Variants in FBXO21 observed in about 807,000 individuals in gnomAD.
FBXO21 encodes the protein F-box only protein 21.
Under a neutral mutation model 76.6 loss-of-function variants are expected in FBXO21, and 32 were observed. The ratio of observed to expected loss-of-function variants is 0.42; its 90% CI spans 0.32 to 0.56. The LOEUF is 0.56. Ranked by LOEUF, FBXO21 falls within the 20% of genes least tolerant of loss-of-function variation. FBXO21 has a pLI of 0.16. For missense variants in FBXO21, 586 were observed against 797.3 expected (o/e 0.73, Z 3.19); for synonymous variants, 328 against 311.5 (o/e 1.05, Z -0.56).
At chr12:117,166,763 A>G in intron 8 of FBXO21, 135 bp downstream of exon 8, 3 of 657,072 alleles carry the variant, frequency 4.6e-6, no homozygotes, top group Non-Finnish European at 8.0e-6. Flanking sequence ...GAATGTTTCC[A>G]GTACTCGCAA....
At chr12:117,190,164 C>T (rs1461575257) in intron 1 of FBXO21, 54 bp downstream of exon 1, 3 of 1,054,292 alleles carry the variant, frequency 2.8e-6, no homozygotes, top group Non-Finnish European at 3.5e-6. Flanking sequence ...CTGCCCGGCC[C>T]CGGGGGGCGC....
chr12:117,186,364 C>G (rs1956283761), intron 3 of FBXO21, 113 bp downstream of exon 3: 1 of 745,526 alleles, frequency 1.3e-6, no homozygotes, highest in African/African-American at 1.8e-5. Context: ...GTAACTATGA[C>G]AAGGCGTGAA....
In FBXO21 at chr12:117,166,810, G is replaced by A. The variant is rs139646862; in HGVS notation, c.1193+88C>T. The A allele has an allele frequency of 8.2e-4, 963 of 1,169,362 alleles. 2 individuals carry two copies. In the African/African-American group the frequency reaches 0.013, roughly 16 times the overall value. 72.4% of individuals were successfully genotyped at this position (1,169,362 alleles called of 1,614,324 possible). A position where few individuals can be genotyped will look rare whatever the true frequency, so the allele number is the denominator to read the frequency against. On this transcript the variant is annotated intron_variant, in intron 8 of 11. Coordinates refer to ENST00000622495, the MANE Select transcript of FBXO21 (RefSeq NM_015002.3). ...TAGGGTCTACTGCAAAGATCTCAAC[G>A]AAAAGTCACTTGGCACATCTCAAAC...
At chr12:117,186,096 C>A (rs748244197) in intron 3 of FBXO21, among the ~76,000 whole-genome samples, 1 of 152,138 alleles carries the variant, frequency 6.6e-6, no homozygotes, top group Non-Finnish European at 1.5e-5. Flanking sequence ...AGGCTGGTCG[C>A]GAACTCCTGA....
At chr12:117,150,956 T>TTTTGTGTGTG (rs1461843192) in intron 11 of FBXO21, among the ~76,000 whole-genome samples, 2 of 94,652 alleles carry the variant, frequency 2.1e-5, no homozygotes, top group Admixed American at 1.3e-4. Flanking sequence ...TCAAATAAGT[T>TTTTGTGTGTG]TGTGTGTGTG....
At chr12:117,158,128 G>T (rs200495768) in intron 9 of FBXO21, 65 bp from the exon 10 acceptor site, 17 of 1,580,070 alleles carry the variant, frequency 1.1e-5, no homozygotes, top group South Asian at 1.1e-5. Context: ...TTTTTGCGGC[G>T]AGGGATTTAG....
intron 3 of FBXO21, among the ~76,000 whole-genome samples, chr12:117,180,972 T>C (rs1420322699): frequency 2.0e-5 from 3 of 152,202 alleles, no homozygotes; most frequent in Non-Finnish European, 4.4e-5. Context: ...CCACTGTCCA[T>C]TCATTTTTTA....
At chr12:117,183,329 C>CA (rs1956253913) in intron 3 of FBXO21, among the ~76,000 whole-genome samples, 1 of 151,848 alleles carries the variant, frequency 6.6e-6, no homozygotes, top group Non-Finnish European at 1.5e-5. Context: ...CGGCTCACTG[C>CA]AACCTCTGCC....
chr12:117,162,532 G>A (rs933412038), intron 9 of FBXO21, among the ~76,000 whole-genome samples: 9 of 152,188 alleles, frequency 5.9e-5, no homozygotes, highest in East Asian at 5.8e-4. Context: ...CAGTACTCCC[G>A]ACTTAAAATC....
chr12:117,187,406 G>A (rs1252411038), intron 2 of FBXO21, among the ~76,000 whole-genome samples: 6 of 118,588 alleles, frequency 5.1e-5, no homozygotes, highest in Non-Finnish European at 9.9e-5. Flanking sequence ...GGCAACAAGA[G>A]TGAAACTCTG....
chr12:117,141,999 C>T lies in FBXO21; in HGVS notation c.*4088G>A, dbSNP rs1175368787. 1.3e-5 allele frequency: 2 copies of T among 152,166 alleles called. No homozygotes were observed. Among genetic ancestry groups the T allele is most frequent in the Non-Finnish European group, 2.9e-5 (2 of 68,040 alleles). 9.4% of individuals were successfully genotyped at this position (152,166 alleles called of 1,614,324 possible). A position where few individuals can be genotyped will look rare whatever the true frequency, so the allele number is the denominator to read the frequency against. On this transcript the variant is annotated 3_prime_UTR_variant, in exon 12 of 12. Transcript: ENST00000622495. This position sits in a 1 kb window ranked among gnomAD's most constrained non-coding sequence, Gnocchi z 4.3. ...TGGTGTTTGAGCCATTGTTGCTTTT[C>T]GGGTCTATTTATTACAGAACTAGCA...
chr12:117,179,257 T>C (rs185476994), intron 3 of FBXO21, among the ~76,000 whole-genome samples: 2 of 152,332 alleles, frequency 1.3e-5, no homozygotes, highest in East Asian at 3.9e-4. Context: ...GATCTAACAC[T>C]CTTGCCAAGA....
chr12:117,160,787 G>A (rs1228847876), intron 9 of FBXO21, among the ~76,000 whole-genome samples: 1 of 152,098 alleles, frequency 6.6e-6, no homozygotes, highest in Non-Finnish European at 1.5e-5. Context: ...ATGCGATCAC[G>A]TGCAGCTACT....
chr12:117,185,563 G>C (rs1956273566), intron 3 of FBXO21, among the ~76,000 whole-genome samples: 1 of 152,142 alleles, frequency 6.6e-6, no homozygotes, highest in Non-Finnish European at 1.5e-5. Context: ...CTTCACAGCA[G>C]AAAATAAAAG....
intron 10 of FBXO21, 63 bp from the exon 11 acceptor site, chr12:117,156,011 C>T: frequency 2.0e-6 from 3 of 1,532,128 alleles, no homozygotes; most frequent in South Asian, 1.1e-5. Context: ...TCCAGACAAC[C>T]GCGTGGCTTC....
At chr12:117,157,127 G>A (rs576861670) in intron 10 of FBXO21, among the ~76,000 whole-genome samples, 1 of 151,324 alleles carries the variant, frequency 6.6e-6, no homozygotes, top group South Asian at 2.1e-4. Context: ...GGTTGCAGGT[G>A]AGCTGAGATA....
intron 11 of FBXO21, among the ~76,000 whole-genome samples, chr12:117,147,804 T>C (rs1436247576): frequency 6.6e-6 from 1 of 152,130 alleles, no homozygotes; most frequent in Non-Finnish European, 1.5e-5. Flanking sequence ...ATGCCCTCCA[T>C]GACCTGACAC....
At chr12:117,150,757 G>GA in intron 11 of FBXO21, among the ~76,000 whole-genome samples, 1 of 152,188 alleles carries the variant, frequency 6.6e-6, no homozygotes. Flanking sequence ...ATTTGAAAGC[G>GA]AAAGCCAAAG....
chr12:117,161,485 A>T (rs929610844), intron 9 of FBXO21, among the ~76,000 whole-genome samples: 1 of 151,946 alleles, frequency 6.6e-6, no homozygotes, highest in Non-Finnish European at 1.5e-5. Flanking sequence ...GACCTAATTG[A>T]TATTTTGTTA....
Sources: allele counts gnomAD v4.1 joint callset (sites outside exome capture counted in the v4.1 genomes callset), GRCh38; gene constraint gnomAD v4.1.1; non-coding constraint Gnocchi (gnomAD v3.1); transcripts MANE v1.5; gene names NCBI Gene and HGNC (gene_info 2026-07-23, HGNC 2026-07-21).